Variants in WDFY3 observed in about 807,000 individuals in gnomAD.
WDFY3 encodes the protein WD repeat and FYVE domain-containing protein 3.
Under a neutral mutation model 409.6 loss-of-function variants are expected in WDFY3, and 66 were observed. The observed-to-expected ratio is 0.16, with a 90% CI of 0.13 to 0.20. The LOEUF (loss-of-function observed/expected upper bound fraction) is 0.20, where lower values mean the gene tolerates loss of function less well. WDFY3 is among the 10% of genes least tolerant of loss of function. The probability of loss-of-function intolerance (pLI) is 1.00; values close to 1 mark genes in which losing one functional copy is unlikely to be tolerated. For synonymous variants in WDFY3, 1,521 were observed against 1,537.1 expected (o/e 0.99, Z 0.25); for missense variants, 3,031 against 4,298.1 (o/e 0.71, Z 8.24).
At position 84,966,504 on chromosome 4, in the gene WDFY3, C is replaced by G. The variant is rs1175915449; in HGVS notation, c.-521G>C. On this transcript the variant is annotated 5_prime_UTR_variant, in exon 1 of 68. Coordinates refer to ENST00000295888, the MANE Select transcript of WDFY3 (RefSeq NM_014991.6). Reference sequence around the variant, plus strand: ...GTCCCTGCTCCGCCGCGTCCTCGTCCTCGCTGGGTCCCCGCCGCCGCCGCC... The same window carrying G: ...GTCCCTGCTCCGCCGCGTCCTCGTCGTCGCTGGGTCCCCGCCGCCGCCGCC... 1.3e-5 allele frequency: 2 copies of G among 158,904 alleles called. No individual in the cohort carries two copies. The highest frequency in any genetic ancestry group is 4.8e-5 in the African/African-American group (2 of 41,438). The allele number at this position is 158,904 out of a possible 1,614,324, so 9.8% of individuals were successfully genotyped here.
rs776846945 is a variant in WDFY3, at chr4:84,696,233, C to T, written c.8689-51G>A. 5.1e-6 allele frequency: 8 copies of T among 1,568,358 alleles called. No homozygotes were observed. In the Admixed American group the frequency reaches 8.9e-5, roughly 17 times the overall value. On this transcript the variant is annotated intron_variant, in intron 57 of 67. Coordinates refer to ENST00000295888, the MANE Select transcript of WDFY3 (RefSeq NM_014991.6). ...CACTGGCTGACTTCTATTACTTGCT[C>T]AGAGACTAGAAAAACCTTGGTAAGT...
At chr4:84,772,979 AAACAAAC>A (rs1480163976) in intron 29 of WDFY3, 50 bp from the exon 30 acceptor site, 2 of 1,435,154 alleles carry the variant, frequency 1.4e-6, no homozygotes, top group Non-Finnish European at 9.4e-7. Flanking sequence ...CCTCTTCCCA[AAACAAAC>A]AACAAAGTAC....
At position 84,821,519 on chromosome 4, in the gene WDFY3, C is replaced by G; in HGVS notation, c.1156G>C (p.Val386Leu). ...HSVRNVQAFA[V>L]LQNAFLKAKT... Reference sequence around the variant, plus strand: ...GCTTTTAAAAATGCATTCTGAAGAACTGCAAAGGCCTGGACGTTTCTCACA... The same window carrying G: ...GCTTTTAAAAATGCATTCTGAAGAAGTGCAAAGGCCTGGACGTTTCTCACA... The change falls in exon 11 of 68, where the codon GTT (valine) becomes CTT (leucine). Residue 386 changes from valine (V) to leucine (L), a missense_variant. This residue lies in a region of WDFY3 where 1,322 missense variants were observed against 1,697.9 expected (regional missense o/e 0.78). Transcript: ENST00000295888. 1 of 1,613,528 alleles carries G rather than the reference C, an allele frequency of 6.2e-7. No individual in the cohort carries two copies. Among genetic ancestry groups the G allele is most frequent in the Non-Finnish European group, 8.5e-7 (1 of 1,179,688 alleles).
intron 3 of WDFY3, among the ~76,000 whole-genome samples, chr4:84,889,332 T>A (rs76461588): frequency 7.3e-4 from 111 of 152,310 alleles, no homozygotes; most frequent in Non-Finnish European, 1.5e-3. Flanking sequence ...TGCATGATAT[T>A]ACACATCTGC....
chr4:84,939,163 T>G (rs1579211521), intron 1 of WDFY3, among the ~76,000 whole-genome samples: 1 of 152,250 alleles, frequency 6.6e-6, no homozygotes, highest in East Asian at 1.9e-4. Flanking sequence ...CACTGACTTT[T>G]TTAAGGACCA....
At chr4:84,708,748 T>C (rs149116104) in intron 53 of WDFY3, among the ~76,000 whole-genome samples, 161 bp downstream of exon 53, 77 of 152,246 alleles carry the variant, frequency 5.1e-4, no homozygotes, top group African/African-American at 1.8e-3. Context: ...GCCCTGTTTC[T>C]CTGGCTGGTC....
chr4:84,761,262 C>A, intron 32 of WDFY3, among the ~76,000 whole-genome samples: 1 of 152,016 alleles, frequency 6.6e-6, no homozygotes, highest in Non-Finnish European at 1.5e-5. Context: ...TGGTGTGTTG[C>A]TGAAAAAAAT....
Position 84,803,334 on chromosome 4 carries a change from T to G in WDFY3, c.2563A>C (p.Met855Leu). 1 of 1,613,960 alleles carries G rather than the reference T, an allele frequency of 6.2e-7. No homozygotes were observed. The highest frequency in any genetic ancestry group is 8.5e-7 in the Non-Finnish European group (1 of 1,179,960). Residue 855 changes from methionine (M) to leucine (L), a missense_variant, in exon 16 of 68, where the codon ATG becomes CTG. By Grantham distance (15) the Met-to-Leu change is conservative. Transcript: ENST00000295888. Reference protein sequence around the residue: ...VIIHPGAMLAMLDLLASVGSV... With the variant: ...VIIHPGAMLALLDLLASVGSV... ...CCAACAGAGGCCAGTAGGTCCAGCA[T>G]GGCAAGCATGGCTCCAGGATGAATG...
intron 46 of WDFY3, among the ~76,000 whole-genome samples, chr4:84,723,790 G>A (rs1560602223): frequency 6.6e-6 from 1 of 152,208 alleles, no homozygotes; most frequent in South Asian, 2.1e-4. Flanking sequence ...TGACCAGTGA[G>A]TTTAAGACTG....
At chr4:84,930,220 C>A (rs1770580276) in intron 2 of WDFY3, among the ~76,000 whole-genome samples, 1 of 152,006 alleles carries the variant, frequency 6.6e-6, no homozygotes, top group South Asian at 2.1e-4. Context: ...TCAACAATAC[C>A]AAAATTAGCC....
chr4:84,804,284 T>C (rs1225972506), intron 15 of WDFY3: 1 of 152,170 alleles, frequency 6.6e-6, no homozygotes, highest in Non-Finnish European at 1.5e-5. Flanking sequence ...TGGGAACTCT[T>C]TGTTCCAATG....
Position 84,696,757 on chromosome 4 carries a change from C to A in WDFY3, c.8663G>T (p.Arg2888Leu), listed in dbSNP as rs756701779. ...ILPPWAKGDPREFIRVHREAL... is the reference protein window; with the variant it reads ...ILPPWAKGDPLEFIRVHREAL... ...CTCACGATGGACTCTGATGAATTCT[C>A]GTGGGTCCCCTTTTGCCCAGGGTGG... The change falls in exon 57 of 68, where the codon CGA (arginine) becomes CTA (leucine). Residue 2888 changes from arginine (R) to leucine (L), a missense_variant. Arg to Leu is a moderately radical substitution (Grantham distance 102). Coordinates refer to ENST00000295888, the MANE Select transcript of WDFY3 (RefSeq NM_014991.6). The A allele has an allele frequency of 6.2e-7, 1 of 1,613,796 alleles. No individual in the cohort carries two copies. The highest frequency in any genetic ancestry group is 2.2e-5 in the East Asian group (1 of 44,858).
intron 16 of WDFY3, among the ~76,000 whole-genome samples, chr4:84,802,244 G>C (rs1442868209): frequency 6.6e-6 from 1 of 150,760 alleles, no homozygotes; most frequent in Non-Finnish European, 1.5e-5. Context: ...ACCGCACCCG[G>C]CAGAAGCATA....
intron 50 of WDFY3, among the ~76,000 whole-genome samples, chr4:84,713,901 G>A (rs1578219408): frequency 6.6e-6 from 1 of 151,966 alleles, no homozygotes; most frequent in African/African-American, 2.4e-5. Context: ...GGCAGATCAT[G>A]AGGTCAGGAG....
intron 2 of WDFY3, among the ~76,000 whole-genome samples, chr4:84,902,516 A>C (rs1766474569): frequency 6.6e-6 from 1 of 152,198 alleles, no homozygotes; most frequent in Admixed American, 6.5e-5. Flanking sequence ...TAAACTCTAA[A>C]AGAGGAAGAA....
At chr4:84,841,338 A>G (rs565023533) in intron 5 of WDFY3, 75 bp from the exon 6 acceptor site, 1 of 1,276,696 alleles carries the variant, frequency 7.8e-7, no homozygotes, top group African/African-American at 1.5e-5. Context: ...AAACCTACCA[A>G]GGAAATGAAA....
intron 2 of WDFY3, among the ~76,000 whole-genome samples, chr4:84,923,728 A>G (rs1769591395): frequency 6.6e-6 from 1 of 152,116 alleles, no homozygotes; most frequent in African/African-American, 2.4e-5. Flanking sequence ...GCCAGATATG[A>G]TGGCTCATGC....
intron 56 of WDFY3, among the ~76,000 whole-genome samples, chr4:84,701,256 G>A (rs987707254): frequency 1.3e-5 from 2 of 152,132 alleles, no homozygotes; most frequent in African/African-American, 2.4e-5. Flanking sequence ...GCTGCTCAAG[G>A]GTGAGCTCTA....
At chr4:84,898,923 A>T (rs918630866) in intron 2 of WDFY3, among the ~76,000 whole-genome samples, 1 of 152,192 alleles carries the variant, frequency 6.6e-6, no homozygotes, top group Non-Finnish European at 1.5e-5. Context: ...CAAAGATACG[A>T]TCTCACAGGT....
Sources: allele counts gnomAD v4.1 joint callset (sites outside exome capture counted in the v4.1 genomes callset), GRCh38; gene constraint gnomAD v4.1.1; regional missense constraint gnomAD v4.1.1; transcripts MANE v1.5; gene names NCBI Gene and HGNC (gene_info 2026-07-23, HGNC 2026-07-21).